RTTN: variants seen among roughly 807,000 people sequenced by gnomAD.
The protein encoded by RTTN is rotatin.
RTTN carries 182 observed loss-of-function variants against 269.2 expected under a neutral mutation model. That is an observed-to-expected ratio of 0.68 (90% confidence interval 0.60 to 0.76). The LOEUF (loss-of-function observed/expected upper bound fraction) is 0.76, where lower values mean the gene tolerates loss of function less well. Ranked by LOEUF, RTTN falls within the 30% of genes least tolerant of loss-of-function variation. The probability of loss-of-function intolerance (pLI) is 0.00; values close to 1 mark genes in which losing one functional copy is unlikely to be tolerated. For missense variants in RTTN, 2,545 were observed against 2,608.6 expected, an observed-to-expected ratio of 0.98 and a Z score of 0.53; for synonymous variants, 1,006 against 963.5, an observed-to-expected ratio of 1.04 and a Z score of -0.82.
chr18:70,184,723 T>TGTGTGTGTGG (rs2061503513), intron 10 of RTTN, among the ~76,000 whole-genome samples: 1 of 108,406 alleles, frequency 9.2e-6, no homozygotes, highest in Non-Finnish European at 1.9e-5. Flanking sequence ...TTTTTGTGTG[T>TGTGTGTGTGG]GTGTGTGTGT....
intron 4 of RTTN, among the ~76,000 whole-genome samples, 194 bp downstream of exon 4, chr18:70,201,700 A>G (rs1011087755): frequency 6.6e-6 from 1 of 151,872 alleles, no homozygotes; most frequent in African/African-American, 2.4e-5. Context: ...TTGTTCAAAT[A>G]TGGTTAGAAT....
At position 70,168,892 on chromosome 18, in the gene RTTN, T is replaced by G; in HGVS notation, c.1652A>C (p.Glu551Ala). The G allele has an allele frequency of 6.2e-7, 1 of 1,612,900 alleles. No homozygotes were observed. The highest frequency in any genetic ancestry group is 2.2e-5 in the East Asian group (1 of 44,792). ...KRTAEAVYSI[E>A]CTCNFLSDIG... ...ATCAGACAGGAAGTTACAGGTGCAT[T>G]CAATTGAATAAACGGCCTCTGCAGT... The change falls in exon 12 of 49, where the codon GAA becomes GCA. Residue 551 changes from glutamate (E) to alanine (A), a missense_variant. By Grantham distance (107) the Glu-to-Ala change is moderately radical (BLOSUM62 -1). Coordinates refer to ENST00000640769, the MANE Select transcript of RTTN (RefSeq NM_173630.4).
intron 40 of RTTN, among the ~76,000 whole-genome samples, chr18:70,038,727 T>G (rs1261076829): frequency 6.6e-6 from 1 of 152,080 alleles, no homozygotes; most frequent in Non-Finnish European, 1.5e-5. Context: ...CCAAATGAAC[T>G]AAAATAAGGC....
At chr18:70,073,757 A>T (rs1354094481) in intron 34 of RTTN, 149 bp downstream of exon 34, 2 of 561,994 alleles carry the variant, frequency 3.6e-6, no homozygotes, top group Non-Finnish European at 6.4e-6. Context: ...CAGCTTGAAT[A>T]CAATAATTTA....
chr18:70,134,186 AAAGAGACT>A (rs1398876658), intron 23 of RTTN, among the ~76,000 whole-genome samples: 1 of 152,050 alleles, frequency 6.6e-6, no homozygotes, highest in African/African-American at 2.4e-5. Flanking sequence ...GAGAGAAAGC[AAAGAGACT>A]CATATGTAAA....
chr18:70,075,463 G>T lies in RTTN; in HGVS notation c.4453C>A (p.His1485Asn). The change falls in exon 33 of 49, where the codon CAT (histidine) becomes AAT (asparagine). Residue 1485 changes from histidine (H) to asparagine (N), a missense_variant. Physicochemically the swap from His to Asn is moderately conservative, Grantham distance 68 (BLOSUM62 1). Coordinates refer to ENST00000640769, the MANE Select transcript of RTTN (RefSeq NM_173630.4). Reference protein sequence around the residue: ...PALQALLYHCHFYEHLNQMVK... With the variant: ...PALQALLYHCNFYEHLNQMVK... ...ATCTGATTCAAATGTTCATAAAAAT[G>T]GCAGTGATATAAAAGAGCCTGAAGG... 1 of 1,608,812 alleles carries T rather than the reference G, an allele frequency of 6.2e-7. No individual in the cohort carries two copies. Among genetic ancestry groups the T allele is most frequent in the South Asian group, 1.1e-5 (1 of 89,940 alleles).
chr18:70,177,616 GA>G (rs927122193), intron 10 of RTTN, among the ~76,000 whole-genome samples: 20 of 142,562 alleles, frequency 1.4e-4, no homozygotes, highest in Non-Finnish European at 2.3e-4. Context: ...CAGTAAGAAA[GA>G]AAAAAAAAAC....
intron 14 of RTTN, among the ~76,000 whole-genome samples, chr18:70,158,763 A>C (rs761761398): frequency 6.6e-6 from 1 of 152,242 alleles, no homozygotes; most frequent in Non-Finnish European, 1.5e-5. Context: ...CTATCCAGCA[A>C]ACAGAAAACA....
At chr18:70,140,209 T>C (rs770895744) in intron 19 of RTTN, 21 bp from the exon 20 acceptor site, 1 of 1,400,074 alleles carries the variant, frequency 7.1e-7, no homozygotes, top group Non-Finnish European at 1.0e-6. Flanking sequence ...AAAAAGTTAC[T>C]AAAAGTTAAA....
At chr18:70,082,270 A>G (rs140324459) in intron 32 of RTTN, among the ~76,000 whole-genome samples, 66 of 152,300 alleles carry the variant, frequency 4.3e-4, no homozygotes, top group African/African-American at 1.5e-3. Context: ...AATTATGCAT[A>G]AGCTACCATC....
chr18:70,044,137 T>C (rs2057423848), intron 40 of RTTN, among the ~76,000 whole-genome samples: 2 of 152,230 alleles, frequency 1.3e-5, no homozygotes, highest in African/African-American at 4.8e-5. Context: ...AGGTACTTAA[T>C]GTAAAAAATA....
Position 70,112,242 on chromosome 18 carries a change from A to C in RTTN, c.3683+2203T>G, listed in dbSNP as rs533388785. 5.9e-5 allele frequency among the ~76,000 whole-genome samples: 9 copies of C among 152,342 alleles called. No homozygotes were observed. The East Asian group carries it at 1.4e-3, about 23-fold the overall frequency. On this transcript the variant is annotated intron_variant, in intron 27 of 48. Transcript: ENST00000640769. ...AACATCGACGCTATGAAGAAACTGC[A>C]TCAACTAATGGGCAAAACAACCAGC...
At position 70,149,015 on chromosome 18, in the gene RTTN, G is replaced by A; in HGVS notation, c.2195C>T (p.Pro732Leu). 6.2e-7 allele frequency: 1 copy of A among 1,613,222 alleles called. No homozygotes were observed. The highest frequency in any genetic ancestry group is 8.5e-7 in the Non-Finnish European group (1 of 1,179,414). Residue 732 changes from proline to leucine, a missense_variant, in exon 17 of 49, where the codon CCT becomes CTT. Transcript: ENST00000640769. The stretch of plus-strand genomic sequence containing the variant: ...TAGAAGGAGAATGCAGTTACCCAGA[G>A]GATCTTCTGTGTCGGCATAGCCCTA... Reference protein sequence around the residue: ...ILQGYADTEDPLGNCILLLSK... With the variant: ...ILQGYADTEDLLGNCILLLSK...
At chr18:70,141,999 AAAT>A (rs1263122760) in intron 19 of RTTN, among the ~76,000 whole-genome samples, 1 of 152,230 alleles carries the variant, frequency 6.6e-6, no homozygotes, top group African/African-American at 2.4e-5. Flanking sequence ...TTTACAGGTC[AAAT>A]AATAATAAGG....
Position 70,148,945 on chromosome 18 carries a change from G to A in RTTN, c.2265C>T (p.Thr755=), listed in dbSNP as rs2060466256. 1 of 1,613,566 alleles carries A rather than the reference G, an allele frequency of 6.2e-7. No individual in the cohort carries two copies. Among genetic ancestry groups the A allele is most frequent in the East Asian group, 2.2e-5 (1 of 44,860 alleles). The change falls in exon 17 of 49, where the codon ACC becomes ACT. Residue 755 remains threonine (T), a synonymous_variant. Transcript: ENST00000640769. ...SDTEEMLPCT[T]RLKSMLRLLL... The stretch of plus-strand genomic sequence containing the variant: ...AAAGTCGCAGCATGGACTTTAATCG[G>A]GTAGTACACGGAAGCATCTCTTCTG...
At chr18:70,114,685 T>C (rs2059559614) in intron 26 of RTTN, 86 bp from the exon 27 acceptor site, 2 of 1,193,114 alleles carry the variant, frequency 1.7e-6, no homozygotes, top group South Asian at 3.1e-5. Flanking sequence ...AAGCAAGTTC[T>C]AGTAAGAGCT....
chr18:70,142,093 G>A (rs957845048), intron 19 of RTTN, among the ~76,000 whole-genome samples, 195 bp downstream of exon 19: 2 of 152,032 alleles, frequency 1.3e-5, no homozygotes, highest in African/African-American at 2.4e-5. Context: ...ATGGTCTCTC[G>A]CATATTCTTT....
intron 19 of RTTN, among the ~76,000 whole-genome samples, chr18:70,141,426 T>C (rs1469392597): frequency 6.6e-6 from 1 of 152,160 alleles, no homozygotes; most frequent in Non-Finnish European, 1.5e-5. Flanking sequence ...TTATACACCA[T>C]GGAATACTAT....
At chr18:70,011,435 A>G (rs528136535) in intron 46 of RTTN, among the ~76,000 whole-genome samples, 2 of 152,346 alleles carry the variant, frequency 1.3e-5, no homozygotes, top group East Asian at 3.9e-4. Flanking sequence ...CTGGTTCAAC[A>G]TACACAAATC....
Sources: allele counts gnomAD v4.1 joint callset (sites outside exome capture counted in the v4.1 genomes callset), GRCh38; gene constraint gnomAD v4.1.1; transcripts MANE v1.5; gene names NCBI Gene and HGNC (gene_info 2026-07-23, HGNC 2026-07-21).